PTN: variants seen among roughly 807,000 people sequenced by gnomAD.
The protein encoded by PTN is heparin affin regulatory protein.
PTN carries 18 observed loss-of-function variants against 24.1 expected under a neutral mutation model. The observed-to-expected ratio is 0.75, with a 90% confidence interval of 0.52 to 1.11. PTN has a LOEUF of 1.11. Among genes scored for constraint, PTN ranks in the 50% least tolerant of loss-of-function variants. PTN has a pLI of 0.00. For synonymous variants in PTN, 78 were observed against 68.6 expected, an observed-to-expected ratio of 1.14 and a Z score of -0.67; for missense variants, 163 against 198.8, an observed-to-expected ratio of 0.82 and a Z score of 1.08.
chr7:137,298,920 G>A (rs1339242958), intron 1 of PTN, among the ~76,000 whole-genome samples: 1 of 152,012 alleles, frequency 6.6e-6, no homozygotes, highest in African/African-American at 2.4e-5. Flanking sequence ...GACTCATTGT[G>A]AGAATCAGTT....
chr7:137,244,726 A>G (rs1160352172), intron 4 of PTN, among the ~76,000 whole-genome samples: 1 of 151,598 alleles, frequency 6.6e-6, no homozygotes, highest in Non-Finnish European at 1.5e-5. Context: ...AAGGGTTTCC[A>G]ACTTCACATC....
At chr7:137,335,198 A>T (rs1810426638) in intron 1 of PTN, among the ~76,000 whole-genome samples, 1 of 151,382 alleles carries the variant, frequency 6.6e-6, no homozygotes, top group Admixed American at 6.6e-5. Context: ...TATAATAATA[A>T]TAAAAAAAAA....
rs187175696 is a variant in PTN, at chr7:137,285,958, C to T, written c.-1-30984G>A. Among the ~76,000 whole-genome samples the T allele has an allele frequency of 4.3e-3, 658 of 152,244 alleles. 2 individuals are homozygous for T. Among genetic ancestry groups the T allele is most frequent in the African/African-American group, 0.015 (634 of 41,542 alleles). ...CTATCTTTTGAATTTTATGTATATT[C>T]TACAGTCTTGGTTATCTGGTTTTCA... On this transcript the variant is annotated intron_variant, in intron 1 of 4. Coordinates refer to ENST00000348225, the MANE Select transcript of PTN (RefSeq NM_002825.7).
chr7:137,249,108 C>T (rs1419902244), intron 4 of PTN, among the ~76,000 whole-genome samples: 1 of 152,046 alleles, frequency 6.6e-6, no homozygotes, highest in Non-Finnish European at 1.5e-5. Context: ...GTTTAGGGTT[C>T]TATCTTAATC....
intron 1 of PTN, among the ~76,000 whole-genome samples, chr7:137,327,984 G>T (rs188162550): frequency 6.6e-6 from 1 of 152,262 alleles, no homozygotes; most frequent in East Asian, 1.9e-4. Context: ...GTGGGTACTT[G>T]CAGTAGATTT....
intron 4 of PTN, among the ~76,000 whole-genome samples, chr7:137,249,737 C>A (rs1365003773): frequency 6.6e-6 from 1 of 152,138 alleles, no homozygotes; most frequent in African/African-American, 2.4e-5. Flanking sequence ...GGGAAGTCTG[C>A]ATAAGTACTC....
At chr7:137,263,784 C>T (rs1400959527) in intron 1 of PTN, among the ~76,000 whole-genome samples, 1 of 152,034 alleles carries the variant, frequency 6.6e-6, no homozygotes. Context: ...AATACAACTA[C>T]CTGACCACTG....
rs201230105 is a variant in PTN, at chr7:137,339,027, GA to G, written c.-2+4411del. 3.5e-3 allele frequency among the ~76,000 whole-genome samples: 494 copies of G among 141,502 alleles called. 3 individuals are homozygous for G. Among genetic ancestry groups the G allele is most frequent in the African/African-American group, 0.011 (440 of 38,534 alleles). The allele number at this position is 141,502 out of a possible 152,430, so 92.8% of individuals were successfully genotyped here. The stretch of plus-strand genomic sequence containing the variant: ...ATAAATGTACACATTTGGAAGACAA[GA>G]AAAAAAAAAGCAAAACAAAACATGA... On this transcript the variant is annotated intron_variant, in intron 1 of 4. Coordinates refer to ENST00000348225, the MANE Select transcript of PTN (RefSeq NM_002825.7).
At chr7:137,280,009 G>C (rs973744217) in intron 1 of PTN, among the ~76,000 whole-genome samples, 2 of 152,148 alleles carry the variant, frequency 1.3e-5, no homozygotes, top group Non-Finnish European at 2.9e-5. Flanking sequence ...GAGAAATCTA[G>C]GATATCTCCC....
intron 1 of PTN, chr7:137,287,580 T>G (rs1237381564): frequency 2.0e-5 from 3 of 152,188 alleles, no homozygotes; most frequent in Non-Finnish European, 4.4e-5. Context: ...ATATACTATA[T>G]GACCCTCATC....
chr7:137,335,315 G>A (rs1400374689), intron 1 of PTN, among the ~76,000 whole-genome samples: 1 of 152,018 alleles, frequency 6.6e-6, no homozygotes, highest in Non-Finnish European at 1.5e-5. Context: ...AGAAGCACTG[G>A]TAAGGAGGCC....
At chr7:137,335,101 A>G (rs1379976651) in intron 1 of PTN, among the ~76,000 whole-genome samples, 1 of 142,234 alleles carries the variant, frequency 7.0e-6, no homozygotes, top group Non-Finnish European at 1.6e-5. Context: ...CTAAATGACG[A>G]GTTGATGGGT....
At chr7:137,282,890 G>C (rs1176844823) in intron 1 of PTN, among the ~76,000 whole-genome samples, 3 of 152,164 alleles carry the variant, frequency 2.0e-5, no homozygotes, top group Non-Finnish European at 2.9e-5. Context: ...GGAGACATAT[G>C]TATCTCCCAC....
chr7:137,285,997 TAGAA>T (rs999436862), intron 1 of PTN, among the ~76,000 whole-genome samples: 29 of 152,142 alleles, frequency 1.9e-4, no homozygotes, highest in African/African-American at 6.0e-4. Flanking sequence ...ACGTAGGAAA[TAGAA>T]GGAAGGAAAA....
intron 3 of PTN, 116 bp from the exon 4 acceptor site, chr7:137,251,507 G>T: frequency 8.6e-7 from 1 of 1,160,066 alleles, no homozygotes; most frequent in Non-Finnish European, 1.2e-6. Flanking sequence ...AGATCCATAT[G>T]CAGCTATAAG....
chr7:137,260,036 G>C (rs1809006342), intron 1 of PTN, among the ~76,000 whole-genome samples: 1 of 151,910 alleles, frequency 6.6e-6, no homozygotes, highest in Admixed American at 6.6e-5. Context: ...TTTTGCTAGT[G>C]GAAAACATCA....
At chr7:137,333,774 C>T (rs1810399499) in intron 1 of PTN, among the ~76,000 whole-genome samples, 1 of 152,136 alleles carries the variant, frequency 6.6e-6, no homozygotes, top group Non-Finnish European at 1.5e-5. Flanking sequence ...AGGCATCACG[C>T]TACCTGACTT....
intron 1 of PTN, among the ~76,000 whole-genome samples, chr7:137,299,770 T>A (rs564291616): frequency 3.3e-4 from 50 of 152,056 alleles, no homozygotes; most frequent in Non-Finnish European, 6.3e-4. Context: ...ACTCCCGGTT[T>A]TTGTTTCTGT....
chr7:137,294,572 C>T (rs996551599), intron 1 of PTN, among the ~76,000 whole-genome samples: 1 of 152,114 alleles, frequency 6.6e-6, no homozygotes, highest in African/African-American at 2.4e-5. Flanking sequence ...TCCCATGCCC[C>T]ACCAAGAGAG....
Sources: gnomAD v4.1 joint callset for allele counts (sites outside exome capture counted in the v4.1 genomes callset) on GRCh38, gnomAD v4.1.1 for gene constraint, MANE v1.5 for transcripts, NCBI Gene and HGNC (gene_info 2026-07-23, HGNC 2026-07-21) for gene names.